NFIA: variants seen among roughly 807,000 people sequenced by gnomAD.
NFIA encodes the protein nuclear factor I A.
Under a neutral mutation model 62.8 loss-of-function variants are expected in NFIA, and 8 were observed. That is an observed-to-expected ratio of 0.13 (90% CI 0.07 to 0.23). The LOEUF is 0.23. Ranked by LOEUF, NFIA falls within the 10% of genes least tolerant of loss-of-function variation. NFIA has a pLI of 1.00. For missense variants in NFIA, 410 were observed against 642.1 expected (o/e 0.64, Z 3.91); for synonymous variants, 235 against 238.1 (o/e 0.99, Z 0.12).
At chr1:61,395,393 T>A (rs759915529) in intron 7 of NFIA, among the ~76,000 whole-genome samples, 2 of 152,062 alleles carry the variant, frequency 1.3e-5, no homozygotes, top group Non-Finnish European at 2.9e-5. Context: ...TGAAGTCCTC[T>A]TTCACAGGAC....
At chr1:61,334,929 T>G (rs1247691053) in intron 4 of NFIA, among the ~76,000 whole-genome samples, 1 of 152,088 alleles carries the variant, frequency 6.6e-6, no homozygotes, top group Non-Finnish European at 1.5e-5. Flanking sequence ...CAAGTTTGAG[T>G]AGAACTCTGG....
intron 2 of NFIA, among the ~76,000 whole-genome samples, chr1:61,169,845 A>G (rs532151925): frequency 4.7e-4 from 71 of 152,300 alleles, no homozygotes; most frequent in African/African-American, 1.7e-3. Context: ...AGAAATGGTC[A>G]TTGAGCCATA....
At chr1:61,398,845 A>G (rs1359838383) in intron 7 of NFIA, among the ~76,000 whole-genome samples, 2 of 152,226 alleles carry the variant, frequency 1.3e-5, no homozygotes, top group Admixed American at 1.3e-4. Flanking sequence ...CCATTAAGAT[A>G]GATTTCTCAG....
At chr1:61,426,444 A>C (rs1164235716) in intron 9 of NFIA, 21 bp from the exon 10 acceptor site, 1 of 1,528,958 alleles carries the variant, frequency 6.5e-7, no homozygotes, top group South Asian at 1.2e-5. Flanking sequence ...TCCTGAACGC[A>C]TGTGTCCCTT....
At chr1:61,289,053 A>G (rs1193767336) in intron 3 of NFIA, among the ~76,000 whole-genome samples, 1 of 152,224 alleles carries the variant, frequency 6.6e-6, no homozygotes, top group Non-Finnish European at 1.5e-5. Flanking sequence ...CACAGGTGTG[A>G]GCCACTGCGC....
In NFIA at chr1:61,461,225, CA is replaced by C. The variant is rs1205797508; in HGVS notation, c.*5907del. 6.6e-6 allele frequency: 1 copy of C among 152,058 alleles called. No individual in the cohort carries two copies. The highest frequency in any genetic ancestry group is 1.5e-5 in the Non-Finnish European group (1 of 68,004). The allele number at this position is 152,058 out of a possible 1,614,324, so 9.4% of individuals were successfully genotyped here. On this transcript the variant is annotated 3_prime_UTR_variant, in exon 11 of 11. Coordinates refer to ENST00000403491, the MANE Select transcript of NFIA (RefSeq NM_001134673.4). ...ATACATTTTCTTAATGGACAATGTT[CA>C]AGCCAGGTACCCATGCTTGATCTGT...
At chr1:61,087,289 A>G (rs1646234603) in intron 1 of NFIA, among the ~76,000 whole-genome samples, 1 of 152,180 alleles carries the variant, frequency 6.6e-6, no homozygotes, top group African/African-American at 2.4e-5. Context: ...CAAAAATTAA[A>G]TAATCTATTT....
chr1:61,095,677 T>C (rs1646399140), intron 2 of NFIA, among the ~76,000 whole-genome samples: 1 of 152,176 alleles, frequency 6.6e-6, no homozygotes, highest in African/African-American at 2.4e-5. Flanking sequence ...AGGGTCAAAA[T>C]CTGAAATGAT....
At chr1:61,441,295 GT>G (rs1667565043) in intron 10 of NFIA, among the ~76,000 whole-genome samples, 20 of 54,274 alleles carry the variant, frequency 3.7e-4, no homozygotes, top group African/African-American at 8.7e-4. Context: ...GTGCAGGGGT[GT>G]GTGTGTGTGT....
At chr1:61,184,095 C>T (rs543026223) in intron 2 of NFIA, among the ~76,000 whole-genome samples, 2 of 135,610 alleles carry the variant, frequency 1.5e-5, no homozygotes, top group African/African-American at 5.8e-5. Flanking sequence ...TACTCAGATC[C>T]GTAAGGTTTA....
At chr1:61,429,569 A>T (rs1018679255) in intron 10 of NFIA, among the ~76,000 whole-genome samples, 15 of 152,312 alleles carry the variant, frequency 9.8e-5, no homozygotes, top group African/African-American at 3.6e-4. Flanking sequence ...TCTTTAGCGT[A>T]TACCCCCAAA....
intron 2 of NFIA, among the ~76,000 whole-genome samples, chr1:61,135,833 A>C (rs1342887886): frequency 6.6e-6 from 1 of 152,198 alleles, no homozygotes; most frequent in Non-Finnish European, 1.5e-5. Flanking sequence ...TTAATAAGAC[A>C]GTTTCGTCTA....
intron 2 of NFIA, among the ~76,000 whole-genome samples, chr1:61,239,249 A>G (rs941886083): frequency 3.3e-5 from 5 of 152,314 alleles, no homozygotes; most frequent in Non-Finnish European, 7.4e-5. Flanking sequence ...GTGGCACAAC[A>G]ACAGCTCTAA....
intron 6 of NFIA, among the ~76,000 whole-genome samples, chr1:61,382,104 G>T (rs1664446259): frequency 6.6e-6 from 1 of 152,154 alleles, no homozygotes; most frequent in African/African-American, 2.4e-5. Flanking sequence ...CCAGTTTTGT[G>T]CTACAACCTT....
intron 4 of NFIA, among the ~76,000 whole-genome samples, chr1:61,351,182 A>G (rs1449926755): frequency 6.6e-6 from 1 of 152,242 alleles, no homozygotes; most frequent in Non-Finnish European, 1.5e-5. Flanking sequence ...TTATCAGGAC[A>G]TAGCCTCATT....
intron 2 of NFIA, among the ~76,000 whole-genome samples, chr1:61,175,449 T>C (rs1227200852): frequency 2.6e-5 from 4 of 152,178 alleles, no homozygotes; most frequent in African/African-American, 9.7e-5. Flanking sequence ...GCCCTTATCA[T>C]GATTTTGAGT....
At chr1:61,329,978 A>C (rs1350983457) in intron 3 of NFIA, among the ~76,000 whole-genome samples, 1 of 152,218 alleles carries the variant, frequency 6.6e-6, no homozygotes, top group African/African-American at 2.4e-5. Flanking sequence ...GTCAGGAATC[A>C]CAGAAGCGGT....
intron 2 of NFIA, among the ~76,000 whole-genome samples, chr1:61,239,992 A>G (rs917957782): frequency 3.3e-5 from 5 of 152,116 alleles, no homozygotes; most frequent in Non-Finnish European, 5.9e-5. Flanking sequence ...CTATTCTAGC[A>G]TGGTTTACGT....
intron 7 of NFIA, among the ~76,000 whole-genome samples, chr1:61,394,469 G>C (rs933690611): frequency 2.0e-5 from 3 of 152,130 alleles, no homozygotes; most frequent in African/African-American, 7.2e-5. Context: ...CACCATGCCT[G>C]ACCAATTGCT....
Sources: allele counts gnomAD v4.1 joint callset (sites outside exome capture counted in the v4.1 genomes callset), GRCh38; gene constraint gnomAD v4.1.1; transcripts MANE v1.5; gene names NCBI Gene and HGNC (gene_info 2026-07-23, HGNC 2026-07-21).